The following NMRK1 variants were observed in gnomAD, a reference collection of about 807,000 sequenced individuals.
The protein encoded by NMRK1 is NRK 1.
Under a neutral mutation model 29.9 loss-of-function variants are expected in NMRK1, and 28 were observed. The observed-to-expected ratio is 0.94, with a 90% CI of 0.69 to 1.28. The LOEUF is 1.28. NMRK1 is among the 50% of genes most tolerant of loss of function. The pLI, the probability that NMRK1 is intolerant of heterozygous loss-of-function variation, is 0.00. For synonymous variants in NMRK1, 58 were observed against 73.0 expected (o/e 0.79, Z 1.05); for missense variants, 218 against 233.1 (o/e 0.94, Z 0.42).
At chr9:75,080,494 A>G (rs1276298020) in intron 2 of NMRK1, among the ~76,000 whole-genome samples, 1 of 152,212 alleles carries the variant, frequency 6.6e-6, no homozygotes, top group Non-Finnish European at 1.5e-5. Flanking sequence ...TCTATTAAAA[A>G]TACAAAAATT....
At position 75,069,692 on chromosome 9, in the gene NMRK1, T is replaced by C. The variant is rs773832310; in HGVS notation, c.389+50A>G. 5.5e-6 allele frequency: 8 copies of C among 1,460,056 alleles called. No homozygotes were observed. The African/African-American group carries it at 9.9e-5, about 18-fold the overall frequency. 90.4% of individuals were successfully genotyped at this position (1,460,056 alleles called of 1,614,324 possible). On this transcript the variant is annotated intron_variant, in intron 6 of 8. Transcript: ENST00000361092. ...AATGTTGCTGTCCTCATTTTTCTTC[T>C]ACATTTTTTGTTTTGAATTACAACT...
Position 75,069,974 on chromosome 9 carries a change from A to G in NMRK1, c.238T>C (p.Ser80Pro). 16 of 1,614,012 alleles carry G rather than the reference A, an allele frequency of 9.9e-6. No individual in the cohort carries two copies. Among genetic ancestry groups the G allele is most frequent in the Non-Finnish European group, 1.4e-5 (16 of 1,179,908 alleles). Residue 80 changes from serine (S) to proline (P), a missense_variant, in exon 5 of 9, where the codon TCT becomes CCT. Coordinates refer to ENST00000361092, the MANE Select transcript of NMRK1 (RefSeq NM_017881.3). Reference sequence around the variant, plus strand: ...CTTTCCTGGTCTGTTGATACCACAGAGTGTCTTGCGCTTTCCATCCAGCAG... The same window carrying G: ...CTTTCCTGGTCTGTTGATACCACAGGGTGTCTTGCGCTTTCCATCCAGCAG... ...ISCWMESARH[S>P]VVSTDQESAE...
intron 1 of NMRK1, among the ~76,000 whole-genome samples, chr9:75,085,389 C>T (rs1824558120): frequency 6.6e-6 from 1 of 152,174 alleles, no homozygotes; most frequent in African/African-American, 2.4e-5. Flanking sequence ...TGCTAAAAAG[C>T]ACTTTATTAC....
intron 4 of NMRK1, among the ~76,000 whole-genome samples, chr9:75,070,621 T>C (rs1823644389): frequency 6.6e-6 from 1 of 152,226 alleles, no homozygotes. Flanking sequence ...CTTTTAAAAG[T>C]ATGGTACTTA....
intron 3 of NMRK1, 80 bp from the exon 4 acceptor site, chr9:75,077,287 C>CT: frequency 2.9e-6 from 3 of 1,038,136 alleles, no homozygotes; most frequent in Non-Finnish European, 4.4e-6. Context: ...GGAGAGAAGT[C>CT]TTTAATAAAT....
intron 2 of NMRK1, chr9:75,078,433 T>G: frequency 6.5e-7 from 1 of 1,540,270 alleles, no homozygotes; most frequent in Middle Eastern, 1.7e-4. Flanking sequence ...GTTATTTGTC[T>G]CTTCTGACCG....
At chr9:75,077,112 A>T in intron 4 of NMRK1, 47 bp downstream of exon 4, 1 of 1,189,908 alleles carries the variant, frequency 8.4e-7, no homozygotes. Context: ...GGTTTGAAAA[A>T]GAAAATGAAC....
In NMRK1 at chr9:75,061,545, T is replaced by A. The variant is rs1243761737; in HGVS notation, c.*3A>T. ...TTCAGGAAGGATTTGTTGTGTTCCGTCTTTATGCTGTCACTTGCAAACCTT... is the reference window on the plus strand; with the variant it reads ...TTCAGGAAGGATTTGTTGTGTTCCGACTTTATGCTGTCACTTGCAAACCTT... On this transcript the variant is annotated 3_prime_UTR_variant, in exon 9 of 9. Transcript: ENST00000361092. The A allele has an allele frequency of 1.2e-6, 2 of 1,610,352 alleles. No individual in the cohort carries two copies. Among genetic ancestry groups the A allele is most frequent in the Admixed American group, 3.4e-5 (2 of 59,662 alleles).
chr9:75,067,716 AG>A (rs1045170786), intron 7 of NMRK1, among the ~76,000 whole-genome samples: 18 of 152,314 alleles, frequency 1.2e-4, no homozygotes, highest in African/African-American at 4.1e-4. Flanking sequence ...GGGAAGCAAG[AG>A]GATGTTCTTG....
chr9:75,068,866 T>C (rs1368327149), intron 7 of NMRK1, 130 bp downstream of exon 7: 14 of 597,612 alleles, frequency 2.3e-5, no homozygotes, highest in Admixed American at 6.0e-5. Context: ...GAACCAGCTA[T>C]GGAAAAGGAG....
Position 75,061,725 on chromosome 9 carries a change from C to T in NMRK1, c.581-158G>A, listed in dbSNP as rs572859486. ...TAAAGAACTAAATTGAGTCCAAGTC[C>T]CATTCTTTTAATCCCTGCATTAAAT... On this transcript the variant is annotated intron_variant, in intron 8 of 8. Transcript: ENST00000361092. Among the ~76,000 whole-genome samples the T allele has an allele frequency of 3.9e-5, 6 of 152,252 alleles. No homozygotes were observed. The South Asian group carries it at 1.0e-3, about 26-fold the overall frequency.
intron 4 of NMRK1, among the ~76,000 whole-genome samples, chr9:75,076,621 C>T (rs1294134640): frequency 1.3e-5 from 2 of 152,108 alleles, no homozygotes; most frequent in East Asian, 1.9e-4. Context: ...GACAGGGTCT[C>T]ACTCTGTCAC....
chr9:75,079,086 C>T (rs1031104562), intron 2 of NMRK1, among the ~76,000 whole-genome samples: 1 of 152,150 alleles, frequency 6.6e-6, no homozygotes, highest in African/African-American at 2.4e-5. Flanking sequence ...GATCAATCCA[C>T]AAATACTTAT....
rs183289134 is a variant in NMRK1 at position 75,065,394 on chromosome 9, T to C, written c.580+1363A>G. ...CATGTTGGCCAGGATGGTCTGGATCTCCTGACCATCATGATCTGTCTGCCT... is the reference window on the plus strand; with the variant it reads ...CATGTTGGCCAGGATGGTCTGGATCCCCTGACCATCATGATCTGTCTGCCT... On this transcript the variant is annotated intron_variant, in intron 8 of 8. Transcript: ENST00000361092. 3.5e-3 allele frequency among the ~76,000 whole-genome samples: 529 copies of C among 152,244 alleles called. 2 individuals carry two copies. Among genetic ancestry groups the C allele is most frequent in the African/African-American group, 0.012 (510 of 41,538 alleles).
chr9:75,079,416 AAT>A (rs1162613595), intron 2 of NMRK1, among the ~76,000 whole-genome samples: 3 of 152,232 alleles, frequency 2.0e-5, no homozygotes, highest in African/African-American at 7.2e-5. Flanking sequence ...ACTTTATTAC[AAT>A]ATGAACAATC....
Position 75,069,346 on chromosome 9 carries a change from G to A in NMRK1, c.390-244C>T, listed in dbSNP as rs1208444880. Reference sequence around the variant, plus strand: ...TTCTTAATTATTCTTTTTCCTTCTAGTGCTTTATAAGAGAACTAAGAGACA... The same window carrying A: ...TTCTTAATTATTCTTTTTCCTTCTAATGCTTTATAAGAGAACTAAGAGACA... On this transcript the variant is annotated intron_variant, in intron 6 of 8. Transcript: ENST00000361092. The A allele has an allele frequency of 3.7e-5, 19 of 509,818 alleles. No homozygotes were observed. In the South Asian group the frequency reaches 5.4e-4, roughly 15 times the overall value. The allele number at this position is 509,818 out of a possible 1,614,324, so 31.6% of individuals were successfully genotyped here. A position where few individuals can be genotyped will look rare whatever the true frequency, so the allele number is the denominator to read the frequency against.
chr9:75,084,468 A>G (rs1247326294), intron 1 of NMRK1, among the ~76,000 whole-genome samples: 1 of 152,232 alleles, frequency 6.6e-6, no homozygotes, highest in Non-Finnish European at 1.5e-5. Context: ...TAACAAGTCT[A>G]TGTGAGACAA....
chr9:75,067,317 TTG>T (rs1376365319), intron 7 of NMRK1: 2 of 133,408 alleles, frequency 1.5e-5, no homozygotes, highest in Non-Finnish European at 3.1e-5. Flanking sequence ...AAAATATGTA[TTG>T]TGTGTGTGTG....
At chr9:75,078,490 T>A in intron 2 of NMRK1, 2 of 1,422,544 alleles carry the variant, frequency 1.4e-6, no homozygotes, top group Non-Finnish European at 1.9e-6. Flanking sequence ...CCTCTTTAGA[T>A]CTAGTTTTGC....
Sources: gnomAD v4.1 joint callset for allele counts (sites outside exome capture counted in the v4.1 genomes callset) on GRCh38, gnomAD v4.1.1 for gene constraint, MANE v1.5 for transcripts, NCBI Gene and HGNC (gene_info 2026-07-23, HGNC 2026-07-21) for gene names.